The following SUN1 variants were observed in gnomAD, a reference collection of about 807,000 sequenced individuals.
SUN1 encodes Sad1 and UNC84 domain containing 1.
Under a neutral mutation model 103.2 loss-of-function variants are expected in SUN1, and 61 were observed. The observed-to-expected ratio is 0.59, with a 90% CI of 0.48 to 0.73. The LOEUF is 0.73. Ranked by LOEUF, SUN1 falls within the 30% of genes least tolerant of loss-of-function variation. The pLI, the probability that SUN1 is intolerant of heterozygous loss-of-function variation, is 0.00. For synonymous variants in SUN1, 490 were observed against 425.7 expected (o/e 1.15, Z -1.86); for missense variants, 1,052 against 1,034.6 (o/e 1.02, Z -0.23).
intron 1 of SUN1, among the ~76,000 whole-genome samples, chr7:822,896 A>G (rs1277918093): frequency 2.0e-5 from 3 of 152,092 alleles, no homozygotes; most frequent in Non-Finnish European, 4.4e-5. Flanking sequence ...TCCCGCACAC[A>G]CACGGCCCTG....
rs138230626 is a variant in SUN1, at chr7:873,566, G to A, written c.*235G>A. 334 of 480,048 alleles carry A rather than the reference G, an allele frequency of 7.0e-4. No individual in the cohort carries two copies. The highest frequency in any genetic ancestry group is 5.8e-3 in the African/African-American group (296 of 50,938). 29.7% of individuals were successfully genotyped at this position (480,048 alleles called of 1,614,324 possible). The stretch of plus-strand genomic sequence containing the variant: ...GCAGCAGGAGAAGCGTGTTGAACAC[G>A]TGGCTCTCAGACACTCCTTGTTTTT... On this transcript the variant is annotated 3_prime_UTR_variant, in exon 19 of 19. Coordinates refer to ENST00000401592, the MANE Select transcript of SUN1 (RefSeq NM_001130965.3).
intron 15 of SUN1, among the ~76,000 whole-genome samples, chr7:865,696 A>G (rs908130954): frequency 6.6e-6 from 1 of 152,096 alleles, no homozygotes; most frequent in Non-Finnish European, 1.5e-5. Context: ...ACTAATTTCC[A>G]TCCCACCAAC....
chr7:825,756 T>C (rs2128174282), intron 1 of SUN1, among the ~76,000 whole-genome samples: 1 of 152,336 alleles, frequency 6.6e-6, no homozygotes, highest in East Asian at 1.9e-4. Flanking sequence ...GAGCATGATC[T>C]TTGGAAAACA....
intron 17 of SUN1, among the ~76,000 whole-genome samples, chr7:870,196 C>A (rs6965730): frequency 0.62 from 91,688 of 146,876 alleles, 28,673 homozygotes; most frequent in East Asian, 0.8. Context: ...CAGAGTGAGA[C>A]CCTGTCTTTA....
intron 15 of SUN1, among the ~76,000 whole-genome samples, chr7:862,121 C>T (rs959327541): frequency 3.3e-5 from 5 of 152,220 alleles, no homozygotes; most frequent in Non-Finnish European, 7.3e-5. Context: ...GCTTCACGTC[C>T]GCTCAGGGAA....
At chr7:866,468 G>T (rs370535450) in intron 16 of SUN1, among the ~76,000 whole-genome samples, 1 of 151,978 alleles carries the variant, frequency 6.6e-6, no homozygotes. Flanking sequence ...TAGCTGTCTG[G>T]CCTCGGCATG....
chr7:828,690 C>A (rs932156693), upstream of SUN1, among the ~76,000 whole-genome samples: 1 of 152,218 alleles, frequency 6.6e-6, no homozygotes, highest in Non-Finnish European at 1.5e-5. Context: ...TGGCCACCAG[C>A]AAACACAAGA....
At chr7:840,506 G>A (rs1808395922) in intron 2 of SUN1, among the ~76,000 whole-genome samples, 1 of 152,244 alleles carries the variant, frequency 6.6e-6, no homozygotes, top group African/African-American at 2.4e-5. Context: ...CTTCGAAGGG[G>A]AGGATCTTGT....
At chr7:835,273 G>C (rs1018921390) in intron 1 of SUN1, among the ~76,000 whole-genome samples, 1 of 152,230 alleles carries the variant, frequency 6.6e-6, no homozygotes, top group African/African-American at 2.4e-5. Context: ...TCCTGCACCA[G>C]TGGCCTGGCA....
At chr7:826,544 G>A (rs944836374) in intron 1 of SUN1, among the ~76,000 whole-genome samples, 1 of 152,212 alleles carries the variant, frequency 6.6e-6, no homozygotes, top group African/African-American at 2.4e-5. Context: ...TGTGGCAGAT[G>A]GCGCTCTGGG....
At chr7:823,643 CTG>C (rs1457274366) in intron 1 of SUN1, among the ~76,000 whole-genome samples, 4 of 152,142 alleles carry the variant, frequency 2.6e-5, no homozygotes, top group Non-Finnish European at 5.9e-5. Context: ...TGGGGGGAGT[CTG>C]TGCGAACAAG....
Position 866,841 on chromosome 7 carries a change from C to T in SUN1, c.1980+774C>T, listed in dbSNP as rs1452675258. Among the ~76,000 whole-genome samples, 9 of 148,572 alleles carry T rather than the reference C, an allele frequency of 6.1e-5. No homozygotes were observed. The East Asian group carries it at 1.0e-3, about 17-fold the overall frequency. On this transcript the variant is annotated intron_variant, in intron 16 of 18. Transcript: ENST00000401592. ...CTCCTGGACCTTCTGCTGTGGTCCT[C>T]GTTGTGCACTGCTTTTCTGTGGCTT...
chr7:841,881 C>G (rs1254190791), intron 2 of SUN1, 65 bp from the exon 3 acceptor site: 1 of 1,537,016 alleles, frequency 6.5e-7, no homozygotes, highest in East Asian at 2.3e-5. Flanking sequence ...TTGTGTTGGT[C>G]AAATGTAATC....
intron 1 of SUN1, among the ~76,000 whole-genome samples, chr7:820,986 ACTT>A (rs1175058631): frequency 2.0e-5 from 3 of 151,916 alleles, no homozygotes; most frequent in Admixed American, 6.6e-5. Flanking sequence ...TTATGACTCA[ACTT>A]CTTCTGGCCT....
Position 874,343 on chromosome 7 carries a change from G to A in SUN1, c.*1012G>A, listed in dbSNP as rs1276333090. 1.3e-5 allele frequency: 2 copies of A among 152,518 alleles called. No individual in the cohort carries two copies. Among genetic ancestry groups the A allele is most frequent in the African/African-American group, 4.8e-5 (2 of 41,390 alleles). 9.4% of individuals were successfully genotyped at this position (152,518 alleles called of 1,614,324 possible). A position where few individuals can be genotyped will look rare whatever the true frequency, so the allele number is the denominator to read the frequency against. ...ACGTGATTCTTGTGAGACTCTTTTT[G>A]GTTATAATTACTATTTAATATTTAG... On this transcript the variant is annotated 3_prime_UTR_variant, in exon 19 of 19. Transcript: ENST00000401592.
At chr7:872,412 C>T in intron 17 of SUN1, 58 bp from the exon 18 acceptor site, 1 of 1,430,404 alleles carries the variant, frequency 7.0e-7, no homozygotes, top group Non-Finnish European at 9.7e-7. Flanking sequence ...GGGAACGGTC[C>T]TCTCTGCTCA....
upstream of SUN1, chr7:815,912 A>G (rs1365997360): frequency 4.4e-6 from 1 of 228,710 alleles, no homozygotes; most frequent in Non-Finnish European, 9.1e-6. Flanking sequence ...GCGGAAGGCC[A>G]AGGAGGCACT....
chr7:861,323 C>A, intron 14 of SUN1, 57 bp from the exon 15 acceptor site: 1 of 1,583,528 alleles, frequency 6.3e-7, no homozygotes, highest in Non-Finnish European at 8.7e-7. Flanking sequence ...GCACTAAAAC[C>A]CACGTCTCTC....
In SUN1 at chr7:840,639, C is replaced by CTTT. The variant is rs540064618; in HGVS notation, c.267-1289_267-1287dup. On this transcript the variant is annotated intron_variant, in intron 2 of 18. Transcript: ENST00000401592. Reference sequence around the variant, plus strand: ...AGAAATTATTTTTTGACCATCTATTCTTTTTTTTTTTTTTTTTTTTGAAAC... The same window carrying CTTT: ...AGAAATTATTTTTTGACCATCTATTCTTTTTTTTTTTTTTTTTTTTTTTGAAAC... Among the ~76,000 whole-genome samples the CTTT allele has an allele frequency of 3.3e-4, 42 of 127,768 alleles. 1 individual carries two copies. The highest frequency in any genetic ancestry group is 4.2e-3 in the Middle Eastern group (1 of 236). 83.8% of individuals were successfully genotyped at this position (127,768 alleles called of 152,430 possible). A position where few individuals can be genotyped will look rare whatever the true frequency, so the allele number is the denominator to read the frequency against.
Sources: gnomAD v4.1 joint callset for allele counts (sites outside exome capture counted in the v4.1 genomes callset) on GRCh38, gnomAD v4.1.1 for gene constraint, MANE v1.5 for transcripts, NCBI Gene and HGNC (gene_info 2026-07-23, HGNC 2026-07-21) for gene names.